KIAA1958: variants seen among roughly 807,000 people sequenced by gnomAD.
The protein encoded by KIAA1958 is uncharacterized protein KIAA1958.
A neutral mutation model predicts 47.2 loss-of-function variants in KIAA1958; 14 were observed. The ratio of observed to expected loss-of-function variants is 0.30; its 90% CI spans 0.20 to 0.46. KIAA1958 has a LOEUF of 0.46. KIAA1958 is among the 20% of genes least tolerant of loss of function. The probability of loss-of-function intolerance (pLI) is 1.00; values close to 1 mark genes in which losing one functional copy is unlikely to be tolerated. For synonymous variants in KIAA1958, 354 were observed against 353.3 expected (o/e 1.00, Z -0.02); for missense variants, 803 against 909.2 (o/e 0.88, Z 1.50).
At chr9:112,608,251 C>G (rs1250938832) in intron 2 of KIAA1958, among the ~76,000 whole-genome samples, 1 of 151,988 alleles carries the variant, frequency 6.6e-6, no homozygotes, top group Admixed American at 6.6e-5. Flanking sequence ...TAGTATAAAA[C>G]AAGATTCAAA....
chr9:112,584,787 G>T (rs1835795194), intron 2 of KIAA1958, among the ~76,000 whole-genome samples: 1 of 152,200 alleles, frequency 6.6e-6, no homozygotes, highest in African/African-American at 2.4e-5. Flanking sequence ...GAAGGTAGAT[G>T]GTTTGGTTGA....
Position 112,667,847 on chromosome 9 carries a change from A to G in KIAA1958, c.*7778A>G, listed in dbSNP as rs966412329. 6.6e-6 allele frequency: 1 copy of G among 152,228 alleles called. No individual in the cohort carries two copies. Among genetic ancestry groups the G allele is most frequent in the African/African-American group, 2.4e-5 (1 of 41,448 alleles). The allele number at this position is 152,228 out of a possible 1,614,324, so 9.4% of individuals were successfully genotyped here. ...TACGAGGCTTGATTTAAATAAAACA[A>G]TGTTTGCTTAGTATCCTAATTTCAG... On this transcript the variant is annotated 3_prime_UTR_variant, in exon 4 of 4. Coordinates refer to ENST00000337530, the MANE Select transcript of KIAA1958 (RefSeq NM_133465.4).
chr9:112,555,901 C>T (rs1268490066), intron 1 of KIAA1958, among the ~76,000 whole-genome samples: 2 of 121,204 alleles, frequency 1.7e-5, no homozygotes, highest in South Asian at 2.7e-4. Context: ...ATGGTAAAAC[C>T]CCGTCTCTAC....
In KIAA1958 at chr9:112,499,629, A is replaced by G. The variant is rs1002875575; in HGVS notation, c.-25+12511A>G. 4.6e-5 allele frequency among the ~76,000 whole-genome samples: 7 copies of G among 151,258 alleles called. No homozygotes were observed. In the East Asian group the frequency reaches 9.6e-4, roughly 21 times the overall value. On this transcript the variant is annotated intron_variant, in intron 1 of 3. Coordinates refer to ENST00000337530, the MANE Select transcript of KIAA1958 (RefSeq NM_133465.4). ...ATAGTTTTACATTGTTTTTTGGCCA[A>G]CTGCTTTCTGGTAGATAAAAGTCTT...
intron 1 of KIAA1958, among the ~76,000 whole-genome samples, chr9:112,537,388 A>T (rs1353261389): frequency 1.3e-5 from 2 of 152,218 alleles, no homozygotes; most frequent in African/African-American, 2.4e-5. Flanking sequence ...GGCGTGAGCC[A>T]CTGCGCTGGG....
At chr9:112,536,275 T>G (rs1251770180) in intron 1 of KIAA1958, among the ~76,000 whole-genome samples, 1 of 152,134 alleles carries the variant, frequency 6.6e-6, no homozygotes, top group Non-Finnish European at 1.5e-5. Context: ...CTCAAATAAA[T>G]AAATAAAACT....
chr9:112,648,864 C>A (rs1015297514), intron 3 of KIAA1958, among the ~76,000 whole-genome samples: 1 of 152,046 alleles, frequency 6.6e-6, no homozygotes, highest in Non-Finnish European at 1.5e-5. Context: ...TGCAATGAAG[C>A]AAGAAAATAC....
intron 1 of KIAA1958, among the ~76,000 whole-genome samples, chr9:112,530,145 G>A (rs1485441880): frequency 6.6e-6 from 1 of 152,154 alleles, no homozygotes; most frequent in East Asian, 1.9e-4. Flanking sequence ...ATCCGGCCTA[G>A]ACTCCACTTT....
rs1019746492 is a variant in KIAA1958 at position 112,618,176 on chromosome 9, C to T, written c.1172-27474C>T. Reference sequence around the variant, plus strand: ...CATCACCAGGGATAAGGAATTCAAGCGTTCCCAAGAGGCCCTGAAGCAGAA... The same window carrying T: ...CATCACCAGGGATAAGGAATTCAAGTGTTCCCAAGAGGCCCTGAAGCAGAA... On this transcript the variant is annotated intron_variant, in intron 2 of 3. Transcript: ENST00000337530. This position sits in a 1 kb window ranked among gnomAD's most constrained non-coding sequence, Gnocchi z 7.1. 64 of 1,550,560 alleles carry T rather than the reference C, an allele frequency of 4.1e-5. No individual in the cohort carries two copies. The African/African-American group carries it at 7.0e-4, about 17-fold the overall frequency.
At chr9:112,519,102 A>T (rs114573334) in intron 1 of KIAA1958, among the ~76,000 whole-genome samples, 1,898 of 151,952 alleles carry the variant, frequency 0.012, 37 homozygotes, top group African/African-American at 0.043. Context: ...GCTAATTTTT[A>T]AATTTATTAT....
chr9:112,604,710 A>G (rs1234582085), intron 2 of KIAA1958, among the ~76,000 whole-genome samples: 4 of 152,008 alleles, frequency 2.6e-5, no homozygotes, highest in Non-Finnish European at 4.4e-5. Flanking sequence ...TTTGAAAACC[A>G]TGCATGTCCA....
At chr9:112,537,279 A>G (rs1834871591) in intron 1 of KIAA1958, among the ~76,000 whole-genome samples, 1 of 151,886 alleles carries the variant, frequency 6.6e-6, no homozygotes, top group Non-Finnish European at 1.5e-5. Context: ...TTAATTTTTT[A>G]TATGTTTAGT....
rs61729758 is a variant in KIAA1958, at chr9:112,659,325, C to T, written c.1407C>T (p.Asp469=). ...TTTATGTCACCGTCAAGAAGAGCGACGGCTCGGACTTCCTGGCCACCTCGC... is the reference window on the plus strand; with the variant it reads ...TTTATGTCACCGTCAAGAAGAGCGATGGCTCGGACTTCCTGGCCACCTCGC... ...ENFYVTVKKS[D]GSDFLATSLH... is the part of the protein sequence containing the mutation. Residue 469 remains aspartate, a synonymous_variant, in exon 4 of 4, where the codon GAC becomes GAT. Coordinates refer to ENST00000337530, the MANE Select transcript of KIAA1958 (RefSeq NM_133465.4). The T allele has an allele frequency of 7.5e-3, 12,136 of 1,614,086 alleles. 61 individuals carry two copies. Among genetic ancestry groups the T allele is most frequent in the Non-Finnish European group, 9.4e-3 (11,039 of 1,180,026 alleles).
rs757612885 is a variant in KIAA1958, at chr9:112,507,774, CT to C, written c.-25+20659del. ...TGTTTTTCTTTCTCTCTCTCTCTTT[CT>C]TTCTTTCTTTCTTTTTCTTTCTCTT... On this transcript the variant is annotated intron_variant, in intron 1 of 3. Coordinates refer to ENST00000337530, the MANE Select transcript of KIAA1958 (RefSeq NM_133465.4). Among the ~76,000 whole-genome samples, 5 of 152,086 alleles carry C rather than the reference CT, an allele frequency of 3.3e-5. No individual in the cohort carries two copies. The South Asian group carries it at 8.3e-4, about 25-fold the overall frequency.
chr9:112,603,202 GGT>G (rs1426255091), intron 2 of KIAA1958, among the ~76,000 whole-genome samples: 1 of 152,040 alleles, frequency 6.6e-6, no homozygotes, highest in African/African-American at 2.4e-5. Context: ...TAGAGAAATG[GGT>G]GTTGATTTAT....
chr9:112,614,794 G>GA lies in KIAA1958; in HGVS notation c.1172-30854dup, dbSNP rs554372767. Reference sequence around the variant, plus strand: ...GGCTGAAGATGAGTTGAAAAGGTGTGAATGTGTCAGTCATCTTTGTGTATG... The same window carrying GA: ...GGCTGAAGATGAGTTGAAAAGGTGTGAAATGTGTCAGTCATCTTTGTGTATG... On this transcript the variant is annotated intron_variant, in intron 2 of 3. Coordinates refer to ENST00000337530, the MANE Select transcript of KIAA1958 (RefSeq NM_133465.4). 8.5e-5 allele frequency among the ~76,000 whole-genome samples: 13 copies of GA among 152,340 alleles called. No individual in the cohort carries two copies. The East Asian group carries it at 2.5e-3, about 29-fold the overall frequency.
intron 1 of KIAA1958, among the ~76,000 whole-genome samples, chr9:112,537,075 C>G (rs893934650): frequency 6.6e-6 from 1 of 151,634 alleles, no homozygotes; most frequent in Non-Finnish European, 1.5e-5. Flanking sequence ...CTCCCCTCCC[C>G]TCCCCTCCCC....
At chr9:112,511,334 A>G (rs1206036105) in intron 1 of KIAA1958, among the ~76,000 whole-genome samples, 2 of 152,196 alleles carry the variant, frequency 1.3e-5, no homozygotes, top group East Asian at 3.8e-4. Flanking sequence ...ATTCTGATGT[A>G]CAGAAAAGTT....
At chr9:112,503,610 C>T (rs1057107918) in intron 1 of KIAA1958, among the ~76,000 whole-genome samples, 1 of 96,702 alleles carries the variant, frequency 1.0e-5, no homozygotes, top group Non-Finnish European at 1.9e-5. Context: ...GAGCGAGACC[C>T]TGTCTCAAAA....
Sources: gnomAD v4.1 joint callset for allele counts (sites outside exome capture counted in the v4.1 genomes callset) on GRCh38, gnomAD v4.1.1 for gene constraint, Gnocchi (gnomAD v3.1) non-coding constraint, MANE v1.5 for transcripts, NCBI Gene and HGNC (gene_info 2026-07-23, HGNC 2026-07-21) for gene names.